The following DPP10 variants were observed in gnomAD, a reference collection of about 807,000 sequenced individuals.
The protein encoded by DPP10 is inactive dipeptidyl peptidase 10.
A neutral mutation model predicts 120.9 loss-of-function variants in DPP10; 33 were observed. The ratio of observed to expected loss-of-function variants is 0.27; its 90% CI spans 0.21 to 0.37. The LOEUF is 0.37. DPP10 is among the 10% of genes least tolerant of loss of function. DPP10 has a pLI of 1.00. For missense variants in DPP10, 816 were observed against 942.8 expected (o/e 0.87, Z 1.76); for synonymous variants, 337 against 326.1 (o/e 1.03, Z -0.36).
chr2:115,116,109 G>A (rs1242531975), intron 1 of DPP10, among the ~76,000 whole-genome samples: 2 of 152,048 alleles, frequency 1.3e-5, no homozygotes, highest in East Asian at 1.9e-4. Context: ...AATATTTGAG[G>A]GGTACTTAAA....
At chr2:114,602,606 G>A (rs1343583767) in intron 1 of DPP10, among the ~76,000 whole-genome samples, 1 of 151,900 alleles carries the variant, frequency 6.6e-6, no homozygotes, top group Non-Finnish European at 1.5e-5. Flanking sequence ...GTGTCCAGTA[G>A]GCTGATCTGA....
At chr2:115,661,075 G>A (rs554079606) in intron 5 of DPP10, among the ~76,000 whole-genome samples, 23 of 151,852 alleles carry the variant, frequency 1.5e-4, no homozygotes, top group African/African-American at 5.6e-4. Flanking sequence ...TCAGCCTCCC[G>A]AGTAGCTGGG....
At chr2:115,369,930 C>G (rs7564387) in intron 3 of DPP10, among the ~76,000 whole-genome samples, 3 of 151,840 alleles carry the variant, frequency 2.0e-5, no homozygotes, top group Non-Finnish European at 2.9e-5. Context: ...GCACAGAGAG[C>G]TGCACGTGGA....
intron 1 of DPP10, among the ~76,000 whole-genome samples, chr2:114,950,444 G>A (rs745788805): frequency 1.3e-5 from 2 of 150,628 alleles, no homozygotes; most frequent in South Asian, 2.1e-4. Context: ...ACAGGTTCCC[G>A]CCACCACGCC....
intron 1 of DPP10, among the ~76,000 whole-genome samples, chr2:115,007,031 G>A (rs1701901908): frequency 6.6e-6 from 1 of 151,900 alleles, no homozygotes; most frequent in Non-Finnish European, 1.5e-5. Flanking sequence ...TCAGACCACA[G>A]TGCAATCCAA....
At position 115,168,721 on chromosome 2, in the gene DPP10, A is replaced by G. The variant is rs528700658; in HGVS notation, c.61-140518A>G. Among the ~76,000 whole-genome samples the G allele has an allele frequency of 2.9e-4, 44 of 152,312 alleles. 1 individual carries two copies. In the South Asian group the frequency reaches 6.0e-3, roughly 21 times the overall value. ...GAATGGTTGTCGTTTTCAGTATAGT[A>G]GAGAAGGCTGGGAAGTAGGTTCGGT... On this transcript the variant is annotated intron_variant, in intron 1 of 25. Coordinates refer to ENST00000410059, the MANE Select transcript of DPP10 (RefSeq NM_020868.6).
intron 1 of DPP10, among the ~76,000 whole-genome samples, chr2:114,527,176 T>C (rs1357696992): frequency 6.6e-6 from 1 of 152,022 alleles, no homozygotes; most frequent in Non-Finnish European, 1.5e-5. Context: ...TAGACGAGAG[T>C]TTATTGATTG....
intron 1 of DPP10, among the ~76,000 whole-genome samples, chr2:114,524,898 T>C (rs1351284536): frequency 6.6e-6 from 1 of 152,186 alleles, no homozygotes; most frequent in African/African-American, 2.4e-5. Context: ...TCCCATTCCT[T>C]CTTCCTCTGG....
At chr2:115,326,812 T>C (rs1022153133) in intron 2 of DPP10, among the ~76,000 whole-genome samples, 2 of 152,014 alleles carry the variant, frequency 1.3e-5, no homozygotes, top group Non-Finnish European at 2.9e-5. Flanking sequence ...TTAAGCTAAG[T>C]GTTATTAGAA....
chr2:114,809,068 A>G (rs1558763068), intron 1 of DPP10, among the ~76,000 whole-genome samples: 1 of 152,166 alleles, frequency 6.6e-6, no homozygotes, highest in African/African-American at 2.4e-5. Flanking sequence ...TAGCTGTGTG[A>G]TAATAGGTGT....
At chr2:114,861,449 C>T (rs1199262099) in intron 1 of DPP10, among the ~76,000 whole-genome samples, 1 of 152,068 alleles carries the variant, frequency 6.6e-6, no homozygotes, top group Non-Finnish European at 1.5e-5. Context: ...TGAAAAGTAC[C>T]ATATATTTTC....
At chr2:115,745,325 C>G (rs1677814416) in intron 9 of DPP10, among the ~76,000 whole-genome samples, 1 of 150,532 alleles carries the variant, frequency 6.6e-6, no homozygotes, top group Non-Finnish European at 1.5e-5. Context: ...ATAATTTGTG[C>G]AATGCCTTTA....
At chr2:114,982,804 G>A (rs12711813) in intron 1 of DPP10, among the ~76,000 whole-genome samples, 32,747 of 150,550 alleles carry the variant, frequency 0.22, 3,782 homozygotes, top group African/African-American at 0.27. Flanking sequence ...ATGGAGTTTC[G>A]CCATGTTGCC....
At chr2:114,861,022 C>T (rs1317055219) in intron 1 of DPP10, among the ~76,000 whole-genome samples, 3 of 152,172 alleles carry the variant, frequency 2.0e-5, no homozygotes, top group Non-Finnish European at 2.9e-5. Context: ...ACCCAGGTCT[C>T]TTTTCATCAA....
chr2:115,836,890 A>G, intron 24 of DPP10, 144 bp downstream of exon 24: 1 of 682,188 alleles, frequency 1.5e-6, no homozygotes, highest in East Asian at 2.7e-5. Context: ...ACATGATAGA[A>G]GGTGGGAAAA....
intron 1 of DPP10, among the ~76,000 whole-genome samples, chr2:114,467,745 A>G (rs897954442): frequency 6.6e-6 from 1 of 152,204 alleles, no homozygotes; most frequent in African/African-American, 2.4e-5. Context: ...CACGCTTGTA[A>G]TCCCAGCACT....
At chr2:115,576,647 G>A (rs544030076) in intron 5 of DPP10, among the ~76,000 whole-genome samples, 1 of 152,270 alleles carries the variant, frequency 6.6e-6, no homozygotes, top group African/African-American at 2.4e-5. Flanking sequence ...AGATGGAGAG[G>A]CTTTCCAGAA....
intron 1 of DPP10, among the ~76,000 whole-genome samples, chr2:115,106,948 GC>G (rs1450096351): frequency 6.6e-6 from 1 of 151,844 alleles, no homozygotes; most frequent in Non-Finnish European, 1.5e-5. Context: ...GGTGGCAGGT[GC>G]CTGTAGTCCC....
intron 1 of DPP10, among the ~76,000 whole-genome samples, chr2:114,793,961 G>C (rs1047508959): frequency 2.6e-5 from 4 of 152,084 alleles, no homozygotes; most frequent in Admixed American, 2.0e-4. Flanking sequence ...TCATCCTAAG[G>C]TTGCTCAGTC....
Sources: allele counts gnomAD v4.1 joint callset (sites outside exome capture counted in the v4.1 genomes callset), GRCh38; gene constraint gnomAD v4.1.1; transcripts MANE v1.5; gene names NCBI Gene and HGNC (gene_info 2026-07-23, HGNC 2026-07-21).